Variants in FRMD3 observed in about 807,000 individuals in gnomAD.
FRMD3 encodes the protein FERM domain-containing protein 3.
A neutral mutation model predicts 70.2 loss-of-function variants in FRMD3; 33 were observed. The observed-to-expected ratio is 0.47, with a 90% CI of 0.36 to 0.63. The LOEUF is 0.63. Among genes scored for constraint, FRMD3 ranks in the 20% least tolerant of loss-of-function variants. The probability of loss-of-function intolerance (pLI) is 0.00; values close to 1 mark genes in which losing one functional copy is unlikely to be tolerated. For synonymous variants in FRMD3, 279 were observed against 255.9 expected (o/e 1.09, Z -0.86); for missense variants, 632 against 711.4 (o/e 0.89, Z 1.27).
intron 1 of FRMD3, among the ~76,000 whole-genome samples, chr9:83,414,403 A>G (rs1379612049): frequency 6.6e-6 from 1 of 152,232 alleles, no homozygotes; most frequent in Non-Finnish European, 1.5e-5. Flanking sequence ...ATAAGAGTAC[A>G]TCATCATGAG....
intron 1 of FRMD3, among the ~76,000 whole-genome samples, chr9:83,517,199 G>A (rs1204324948): frequency 6.6e-6 from 1 of 151,982 alleles, no homozygotes; most frequent in African/African-American, 2.4e-5. Flanking sequence ...TTTTTGGAAA[G>A]ATCAACAAAA....
chr9:83,363,623 G>A (rs1824684541), intron 3 of FRMD3, among the ~76,000 whole-genome samples: 1 of 132,134 alleles, frequency 7.6e-6, no homozygotes. Flanking sequence ...GCGCGATCTT[G>A]GCTCACTGCA....
At chr9:83,258,862 A>C (rs775422180) in intron 13 of FRMD3, among the ~76,000 whole-genome samples, 1 of 152,160 alleles carries the variant, frequency 6.6e-6, no homozygotes, top group Non-Finnish European at 1.5e-5. Flanking sequence ...TCAGGCTAGG[A>C]GGCTTTGGTG....
At chr9:83,467,717 C>T (rs1828167219) in intron 1 of FRMD3, 2 of 1,532,616 alleles carry the variant, frequency 1.3e-6, no homozygotes. Flanking sequence ...GCCATCTCGT[C>T]TTCTGTCTCT....
At chr9:83,372,850 C>A in intron 3 of FRMD3, 63 bp downstream of exon 3, 1 of 1,441,780 alleles carries the variant, frequency 6.9e-7, no homozygotes, top group South Asian at 1.2e-5. Flanking sequence ...GAAAGTTTGT[C>A]AGGGAACAGT....
At position 83,304,895 on chromosome 9, in the gene FRMD3, G is replaced by A. The variant is rs1266368482; in HGVS notation, c.926+4641C>T. ...AGATCCCCTGGGGTCTGGAGTAGGC[G>A]GGAAAAATCAGAGTTTCTGCGTCTG... is the stretch of plus-strand genomic sequence containing the variant. On this transcript the variant is annotated intron_variant, in intron 10 of 13. Coordinates refer to ENST00000304195, the MANE Select transcript of FRMD3 (RefSeq NM_174938.6). Among the ~76,000 whole-genome samples the A allele has an allele frequency of 3.3e-5, 5 of 152,176 alleles. No individual in the cohort carries two copies. In the East Asian group the frequency reaches 5.8e-4, roughly 18 times the overall value.
chr9:83,354,101 T>TA (rs750563103), intron 3 of FRMD3, among the ~76,000 whole-genome samples: 4 of 152,112 alleles, frequency 2.6e-5, no homozygotes, highest in Non-Finnish European at 4.4e-5. Flanking sequence ...ATTTTTTGTA[T>TA]TTTTAGTAGA....
At chr9:83,407,579 T>C (rs1246679855) in intron 1 of FRMD3, among the ~76,000 whole-genome samples, 1 of 152,252 alleles carries the variant, frequency 6.6e-6, no homozygotes, top group African/African-American at 2.4e-5. Flanking sequence ...TTTGTTTTCA[T>C]ATGTCTAAAT....
At chr9:83,283,323 G>T (rs560996799) in intron 13 of FRMD3, among the ~76,000 whole-genome samples, 4 of 151,978 alleles carry the variant, frequency 2.6e-5, no homozygotes, top group Non-Finnish European at 4.4e-5. Context: ...GAGGTCAGGA[G>T]ATCGAGACCA....
chr9:83,434,999 G>A (rs1474836640), intron 1 of FRMD3, among the ~76,000 whole-genome samples: 3 of 151,596 alleles, frequency 2.0e-5, no homozygotes, highest in Non-Finnish European at 4.4e-5. Context: ...TAATTTTTGC[G>A]GGTTTTTTCT....
chr9:83,583,656 C>T, the FRMD3 span, among the ~76,000 whole-genome samples: 8 of 152,048 alleles, frequency 5.3e-5, no homozygotes, highest in Admixed American at 2.0e-4. Context: ...TAGCCCAGGC[C>T]GGAGTGTGGT....
At chr9:83,539,714 T>C (rs1297637745), upstream of FRMD3, among the ~76,000 whole-genome samples, 2 of 152,194 alleles carry the variant, frequency 1.3e-5, no homozygotes, top group African/African-American at 4.8e-5. Context: ...CTCTGCCTGC[T>C]CCTGCCTCCT....
chr9:83,490,435 C>A (rs1012061821), intron 1 of FRMD3, among the ~76,000 whole-genome samples: 2 of 151,784 alleles, frequency 1.3e-5, no homozygotes, highest in Non-Finnish European at 2.9e-5. Context: ...ATTACAGGCG[C>A]CCACCACCAC....
the FRMD3 span, among the ~76,000 whole-genome samples, chr9:83,576,046 A>G: frequency 2.6e-5 from 4 of 151,278 alleles, no homozygotes; most frequent in African/African-American, 9.7e-5. Context: ...CATCTCTACA[A>G]AAAAAAAATA....
intron 1 of FRMD3, among the ~76,000 whole-genome samples, chr9:83,491,273 G>T (rs1484787988): frequency 6.6e-6 from 1 of 152,192 alleles, no homozygotes; most frequent in Non-Finnish European, 1.5e-5. Flanking sequence ...GGGTGTGTAA[G>T]AAGGAAGGGT....
chr9:83,385,006 G>C (rs1414404681), intron 2 of FRMD3, among the ~76,000 whole-genome samples: 1 of 152,066 alleles, frequency 6.6e-6, no homozygotes, highest in East Asian at 1.9e-4. Context: ...TCCTTAGCTG[G>C]ATTTGGGGAA....
intron 1 of FRMD3, among the ~76,000 whole-genome samples, chr9:83,408,132 G>A (rs1003196989): frequency 6.6e-6 from 1 of 152,056 alleles, no homozygotes; most frequent in Non-Finnish European, 1.5e-5. Context: ...AGTCACTATG[G>A]CCAACCTGGA....
intron 1 of FRMD3, among the ~76,000 whole-genome samples, chr9:83,484,826 T>C (rs1440232904): frequency 6.6e-6 from 1 of 152,188 alleles, no homozygotes; most frequent in Non-Finnish European, 1.5e-5. Context: ...ATCCGCATCC[T>C]AGTAAAATCA....
chr9:83,386,940 T>C (rs1332658100), intron 2 of FRMD3, among the ~76,000 whole-genome samples: 2 of 152,216 alleles, frequency 1.3e-5, no homozygotes, highest in African/African-American at 4.8e-5. Context: ...ACAGAGATGA[T>C]GTGTACTTCT....
Sources: allele counts gnomAD v4.1 joint callset (sites outside exome capture counted in the v4.1 genomes callset), GRCh38; gene constraint gnomAD v4.1.1; transcripts MANE v1.5; gene names NCBI Gene and HGNC (gene_info 2026-07-23, HGNC 2026-07-21).